Variants in RBM26 observed in about 807,000 individuals in gnomAD.
The protein encoded by RBM26 is RNA-binding protein 26.
Under a neutral mutation model 123.6 loss-of-function variants are expected in RBM26, and 30 were observed. The ratio of observed to expected loss-of-function variants is 0.24; its 90% CI spans 0.18 to 0.33. The LOEUF (loss-of-function observed/expected upper bound fraction) is 0.33. Among genes scored for constraint, RBM26 ranks in the 10% least tolerant of loss-of-function variants. The pLI is 1.00. For synonymous variants in RBM26, 400 were observed against 404.4 expected, an observed-to-expected ratio of 0.99 and a Z score of 0.13; for missense variants, 947 against 1,203.6, an observed-to-expected ratio of 0.79 and a Z score of 3.15.
chr13:79,354,683 T>C, intron 12 of RBM26, 113 bp from the exon 13 acceptor site: 1 of 976,102 alleles, frequency 1.0e-6, no homozygotes, highest in Non-Finnish European at 1.4e-6. Context: ...AAAATGCAGC[T>C]TATAGTCAAA....
intron 14 of RBM26, among the ~76,000 whole-genome samples, chr13:79,345,347 G>T (rs1010234270): frequency 6.6e-6 from 1 of 151,300 alleles, no homozygotes; most frequent in South Asian, 2.1e-4. Flanking sequence ...ACAAAGCCTG[G>T]ATCATTTCTC....
intron 9 of RBM26, among the ~76,000 whole-genome samples, chr13:79,360,577 A>C (rs1317188230): frequency 6.6e-6 from 1 of 152,066 alleles, no homozygotes; most frequent in African/African-American, 2.4e-5. Flanking sequence ...TGCACAATCT[A>C]AAAGATTCAA....
intron 14 of RBM26, among the ~76,000 whole-genome samples, chr13:79,351,783 T>G (rs1022043499): frequency 6.6e-6 from 1 of 152,160 alleles, no homozygotes; most frequent in African/African-American, 2.4e-5. Context: ...AGGAAAGTAA[T>G]TTAGCTGAGA....
intron 9 of RBM26, among the ~76,000 whole-genome samples, chr13:79,360,181 AT>A: frequency 6.6e-6 from 1 of 152,216 alleles, no homozygotes; most frequent in Non-Finnish European, 1.5e-5. Context: ...ACTGTGTCTA[AT>A]TTATAAGTGA....
intron 8 of RBM26, 97 bp downstream of exon 8, chr13:79,365,958 A>G: frequency 8.2e-7 from 1 of 1,217,730 alleles, no homozygotes; most frequent in Admixed American, 2.2e-5. Context: ...TTTTAGTGAG[A>G]AAAGTAGTCC....
rs780499893 is a variant in RBM26 at position 79,355,346 on chromosome 13, T to C, written c.1728A>G (p.Gln576=). The C allele has an allele frequency of 2.5e-6, 4 of 1,613,882 alleles. No homozygotes were observed. Among genetic ancestry groups the C allele is most frequent in the South Asian group, 2.2e-5 (2 of 91,068 alleles). The change falls in exon 12 of 22, where the codon CAA becomes CAG. Residue 576 remains glutamine (Q), a synonymous_variant. Coordinates refer to ENST00000438737, the MANE Select transcript of RBM26 (RefSeq NM_001366735.2). ...YNGDPEGALI[Q]FATYEEAKKA... Reference sequence around the variant, plus strand: ...TCTTTGCTTCTTCGTATGTTGCAAATTGGATTAGGGCACCTTCAGGATCAC... The same window carrying C: ...TCTTTGCTTCTTCGTATGTTGCAAACTGGATTAGGGCACCTTCAGGATCAC...
chr13:79,324,362 T>C (rs944507978), intron 20 of RBM26, among the ~76,000 whole-genome samples: 2 of 151,924 alleles, frequency 1.3e-5, no homozygotes, highest in East Asian at 1.9e-4. Context: ...ATATATATTA[T>C]ATATTTAGCA....
chr13:79,315,408 A>G (rs2067054086), downstream of RBM26, among the ~76,000 whole-genome samples: 1 of 151,848 alleles, frequency 6.6e-6, no homozygotes, highest in Non-Finnish European at 1.5e-5. Context: ...TTTCAAAGTA[A>G]TTGCAAGATA....
chr13:79,398,603 C>A (rs1291531410), intron 1 of RBM26, among the ~76,000 whole-genome samples: 1 of 152,140 alleles, frequency 6.6e-6, no homozygotes, highest in African/African-American at 2.4e-5. Flanking sequence ...TACTATAATT[C>A]TTTTATGTGC....
chr13:79,314,538 A>G, downstream of RBM26: 1 of 152,300 alleles, frequency 6.6e-6, no homozygotes, highest in Non-Finnish European at 1.5e-5. Context: ...CCAGAAATAT[A>G]TCTTAAGATC....
At chr13:79,317,649 C>G (rs906091398), downstream of RBM26, among the ~76,000 whole-genome samples, 1 of 151,660 alleles carries the variant, frequency 6.6e-6, no homozygotes. Flanking sequence ...ACCTCTGAAA[C>G]AGACAACATT....
intron 18 of RBM26, among the ~76,000 whole-genome samples, chr13:79,337,958 C>A (rs1404614218): frequency 2.0e-5 from 3 of 152,194 alleles, no homozygotes; most frequent in Non-Finnish European, 4.4e-5. Context: ...TGGCTCACGC[C>A]TGTAATCCCA....
downstream of RBM26, among the ~76,000 whole-genome samples, chr13:79,318,299 A>G (rs2067334498): frequency 6.6e-6 from 1 of 151,336 alleles, no homozygotes; most frequent in African/African-American, 2.4e-5. Context: ...CTTGCATTCA[A>G]ATCTATTTTC....
chr13:79,353,826 G>A (rs1394538573), intron 13 of RBM26, among the ~76,000 whole-genome samples: 1 of 152,082 alleles, frequency 6.6e-6, no homozygotes, highest in East Asian at 1.9e-4. Context: ...GGAGACAAAG[G>A]AAAGCTAAGT....
intron 14 of RBM26, among the ~76,000 whole-genome samples, chr13:79,351,319 T>G (rs1451522787): frequency 6.6e-6 from 1 of 152,136 alleles, no homozygotes; most frequent in African/African-American, 2.4e-5. Context: ...ACTGTACATA[T>G]TTATGGGGTA....
At position 79,392,606 on chromosome 13, in the gene RBM26, T is replaced by C. The variant is rs1278734996; in HGVS notation, c.71+13098A>G. Reference sequence around the variant, plus strand: ...ATTTATATATATTTATATATATAAATAAACATAGGAAAAATTTTTCAACCT... The same window carrying C: ...ATTTATATATATTTATATATATAAACAAACATAGGAAAAATTTTTCAACCT... On this transcript the variant is annotated intron_variant, in intron 1 of 21. Coordinates refer to ENST00000438737, the MANE Select transcript of RBM26 (RefSeq NM_001366735.2). 2.0e-5 allele frequency among the ~76,000 whole-genome samples: 3 copies of C among 147,436 alleles called. No homozygotes were observed. In the South Asian group the frequency reaches 6.3e-4, roughly 31 times the overall value.
At chr13:79,378,942 C>A in intron 1 of RBM26, 35 bp from the exon 2 acceptor site, 1 of 1,235,982 alleles carries the variant, frequency 8.1e-7, no homozygotes, top group Admixed American at 1.9e-5. Context: ...GAAAATTTAG[C>A]CAACTGCACA....
At chr13:79,344,125 G>T in intron 16 of RBM26, 123 bp downstream of exon 16, 1 of 724,116 alleles carries the variant, frequency 1.4e-6, no homozygotes, top group Non-Finnish European at 2.5e-6. Context: ...TATTATCACT[G>T]ACAAATATTT....
intron 14 of RBM26, among the ~76,000 whole-genome samples, chr13:79,352,374 T>C (rs1264872395): frequency 6.6e-6 from 1 of 151,996 alleles, no homozygotes; most frequent in African/African-American, 2.4e-5. Flanking sequence ...AAGATAAGCA[T>C]ATAGAACTAA....
Sources: allele counts gnomAD v4.1 joint callset (sites outside exome capture counted in the v4.1 genomes callset), GRCh38; gene constraint gnomAD v4.1.1; transcripts MANE v1.5; gene names NCBI Gene and HGNC (gene_info 2026-07-23, HGNC 2026-07-21).